The following PAGE2B variants were observed in gnomAD, a reference collection of about 807,000 sequenced individuals.
The protein encoded by PAGE2B is putative G antigen family E member 3.
In PAGE2B, 5 loss-of-function variants were observed where a neutral mutation model predicts 7.6. That is an observed-to-expected ratio of 0.66 (90% CI 0.34 to 1.38). The LOEUF (loss-of-function observed/expected upper bound fraction) is 1.38, where lower values mean the gene tolerates loss of function less well. PAGE2B is among the 40% of genes most tolerant of loss of function. The pLI, the probability that PAGE2B is intolerant of heterozygous loss-of-function variation, is 0.04. For synonymous variants in PAGE2B, 29 were observed against 26.7 expected (o/e 1.09, Z -0.27); for missense variants, 70 against 78.4 (o/e 0.89, Z 0.41).
At chrX:55,040,145 T>G in the PAGE2B span, among the ~76,000 whole-genome samples, 1 of 110,425 alleles carries the variant, frequency 9.1e-6, no homozygotes, top group Admixed American at 9.6e-5. Flanking sequence ...TCTCTCTTTT[T>G]TTTAATTATT....
the PAGE2B span, among the ~76,000 whole-genome samples, chrX:55,067,672 A>T: frequency 8.0e-5 from 9 of 111,867 alleles, no homozygotes; most frequent in African/African-American, 2.9e-4. Flanking sequence ...TCCCACCAAC[A>T]GTGTAAAAGC....
At chrX:55,056,244 C>G in the PAGE2B span, among the ~76,000 whole-genome samples, 2 of 111,040 alleles carry the variant, frequency 1.8e-5, no homozygotes, top group East Asian at 5.7e-4. Context: ...CTACATTTCC[C>G]CCAAGGCCCT....
At chrX:55,069,504 CT>C in the PAGE2B span, among the ~76,000 whole-genome samples, 12 of 106,237 alleles carry the variant, frequency 1.1e-4, no homozygotes, top group Admixed American at 6.0e-4. Context: ...AATTCTCTCT[CT>C]TTTTTTTTTG....
At chrX:55,030,532 C>T in the PAGE2B span, among the ~76,000 whole-genome samples, 1 of 110,773 alleles carries the variant, frequency 9.0e-6, no homozygotes, top group African/African-American at 3.3e-5. Flanking sequence ...AAATATTAAG[C>T]CATCGTTCTT....
chrX:55,033,368 G>A, the PAGE2B span, among the ~76,000 whole-genome samples: 5 of 111,394 alleles, frequency 4.5e-5, no homozygotes, highest in African/African-American at 9.8e-5. Context: ...TCCTGGTCCA[G>A]CTGAGCCCGT....
chrX:55,028,668 C>T, the PAGE2B span, among the ~76,000 whole-genome samples: 5 of 111,621 alleles, frequency 4.5e-5, no homozygotes, highest in Non-Finnish European at 9.4e-5. Context: ...TCTCATTTCT[C>T]TTGTTCTGTT....
chrX:55,074,415 A>G (rs1936480300), upstream of PAGE2B, among the ~76,000 whole-genome samples: 3 of 112,066 alleles, frequency 2.7e-5, no homozygotes, highest in Admixed American at 2.8e-4. Flanking sequence ...ACAGGTATAA[A>G]CAACTCAATG....
chrX:55,031,663 G>A, the PAGE2B span, among the ~76,000 whole-genome samples: 1 of 111,664 alleles, frequency 9.0e-6, no homozygotes, highest in African/African-American at 3.3e-5. Context: ...TACAGAGCCC[G>A]CCTATGAACC....
chrX:55,075,556 G>A (rs986940431), intron 1 of PAGE2B, among the ~76,000 whole-genome samples: 1 of 110,938 alleles, frequency 9.0e-6, no homozygotes, highest in African/African-American at 3.3e-5. Context: ...GAGGTGTCCC[G>A]TGAGGAGCAT....
At chrX:55,049,120 A>G in the PAGE2B span, among the ~76,000 whole-genome samples, 1 of 110,780 alleles carries the variant, frequency 9.0e-6, no homozygotes, top group East Asian at 2.8e-4. Flanking sequence ...ATTGATTTGC[A>G]TATGTTGAAC....
At chrX:55,064,771 A>G in the PAGE2B span, among the ~76,000 whole-genome samples, 7 of 111,393 alleles carry the variant, frequency 6.3e-5, no homozygotes, top group African/African-American at 2.3e-4. Flanking sequence ...GTTTCAAGAC[A>G]TTTATCAATT....
the PAGE2B span, among the ~76,000 whole-genome samples, chrX:55,044,352 A>C: frequency 9.0e-6 from 1 of 111,731 alleles, no homozygotes; most frequent in Non-Finnish European, 1.9e-5. Flanking sequence ...AAAGTAACTC[A>C]GGAATGGAAA....
chrX:55,071,120 T>C (rs1387854306), upstream of PAGE2B, among the ~76,000 whole-genome samples: 1 of 112,185 alleles, frequency 8.9e-6, no homozygotes, highest in Admixed American at 9.5e-5. Flanking sequence ...TGCAGTTTCT[T>C]CATAGCGTTG....
At chrX:55,077,801 A>G (rs182630381) in intron 4 of PAGE2B, among the ~76,000 whole-genome samples, 10 of 112,640 alleles carry the variant, frequency 8.9e-5, no homozygotes, top group African/African-American at 3.3e-4. Flanking sequence ...GGTCAAAGCT[A>G]ATTGGATTAC....
At chrX:55,037,105 C>T in the PAGE2B span, among the ~76,000 whole-genome samples, 11 of 110,788 alleles carry the variant, frequency 9.9e-5, no homozygotes, top group Admixed American at 2.9e-4. Context: ...ACCATCAGGG[C>T]GAACAGGCAA....
chrX:55,028,150 C>T, the PAGE2B span, among the ~76,000 whole-genome samples: 1 of 111,017 alleles, frequency 9.0e-6, no homozygotes, highest in Non-Finnish European at 1.9e-5. Context: ...TTTCCCTTCC[C>T]CTGCCTGCTT....
intron 2 of PAGE2B, among the ~76,000 whole-genome samples, chrX:55,076,328 A>G (rs45627836): frequency 4.8e-5 from 5 of 104,175 alleles, no homozygotes; most frequent in South Asian, 8.0e-4. Flanking sequence ...CTCTCTCTCT[A>G]TATATATATA....
chrX:55,049,562 C>T, the PAGE2B span, among the ~76,000 whole-genome samples: 438 of 111,514 alleles, frequency 3.9e-3, 2 homozygotes, highest in African/African-American at 0.013. Flanking sequence ...GGAATTTATC[C>T]GTTTCTTCTA....
At chrX:55,061,341 C>T in the PAGE2B span, among the ~76,000 whole-genome samples, 4 of 110,742 alleles carry the variant, frequency 3.6e-5, no homozygotes, top group Non-Finnish European at 7.6e-5. Flanking sequence ...ATTTTGTCAC[C>T]CAGGTAATCA....
Sources: gnomAD v4.1 joint callset for allele counts (sites outside exome capture counted in the v4.1 genomes callset) on GRCh38, gnomAD v4.1.1 for gene constraint, MANE v1.5 for transcripts, NCBI Gene and HGNC (gene_info 2026-07-23, HGNC 2026-07-21) for gene names.